Variants in OSBP2 observed in about 807,000 individuals in gnomAD.
OSBP2 encodes the protein oxysterol binding protein 2, also known as oxysterol-binding protein 2.
A neutral mutation model predicts 96.0 loss-of-function variants in OSBP2; 66 were observed. The ratio of observed to expected loss-of-function variants is 0.69; its 90% CI spans 0.56 to 0.84. OSBP2 has a LOEUF of 0.84. Ranked by LOEUF, OSBP2 falls within the 40% of genes least tolerant of loss-of-function variation. The probability of loss-of-function intolerance (pLI) is 0.00; values close to 1 mark genes in which losing one functional copy is unlikely to be tolerated. For missense variants in OSBP2, 1,038 were observed against 1,222.7 expected, an observed-to-expected ratio of 0.85 and a Z score of 2.25; for synonymous variants, 525 against 520.9, an observed-to-expected ratio of 1.01 and a Z score of -0.11.
intron 1 of OSBP2, among the ~76,000 whole-genome samples, chr22:30,706,073 G>A (rs996840829): frequency 6.6e-5 from 10 of 152,224 alleles, no homozygotes; most frequent in African/African-American, 2.2e-4. Context: ...AGGGGAAAGA[G>A]AGGGGAAATG....
At chr22:30,760,787 C>T (rs914386962) in intron 2 of OSBP2, among the ~76,000 whole-genome samples, 1 of 151,142 alleles carries the variant, frequency 6.6e-6, no homozygotes, top group Non-Finnish European at 1.5e-5. Context: ...CACTGCACCC[C>T]AGCCTGGGCA....
At chr22:30,877,309 CTG>C (rs533063132) in intron 3 of OSBP2, among the ~76,000 whole-genome samples, 71 of 152,240 alleles carry the variant, frequency 4.7e-4, no homozygotes, top group African/African-American at 1.1e-3. Flanking sequence ...TTTTGGGTAA[CTG>C]TGAATTCTCC....
At chr22:30,861,659 G>T (rs1042928536) in intron 2 of OSBP2, among the ~76,000 whole-genome samples, 2 of 152,156 alleles carry the variant, frequency 1.3e-5, no homozygotes, top group African/African-American at 4.8e-5. Flanking sequence ...TAGAGGAGTG[G>T]CGTCACTTGT....
At chr22:30,752,110 G>C (rs1227965236) in intron 2 of OSBP2, among the ~76,000 whole-genome samples, 2 of 152,066 alleles carry the variant, frequency 1.3e-5, no homozygotes, top group African/African-American at 4.8e-5. Context: ...GCAGAGTGCT[G>C]TTCAGCGGCA....
At chr22:30,810,947 C>G (rs1187825986) in intron 2 of OSBP2, among the ~76,000 whole-genome samples, 5 of 152,214 alleles carry the variant, frequency 3.3e-5, no homozygotes, top group Middle Eastern at 3.2e-3. Flanking sequence ...CTGGCACACT[C>G]TCTCCAATTG....
At position 30,767,617 on chromosome 22, in the gene OSBP2, G is replaced by A. The variant is rs562251156; in HGVS notation, c.853+26248G>A. On this transcript the variant is annotated intron_variant, in intron 2 of 13. Coordinates refer to ENST00000332585, the MANE Select transcript of OSBP2 (RefSeq NM_030758.4). ...CAAATTAACAGTGGGTTGGAATGAA[G>A]TTTATTTAAAGGAGCCAGTCCTCTC... 2.0e-5 allele frequency among the ~76,000 whole-genome samples: 3 copies of A among 151,250 alleles called. No homozygotes were observed. In the East Asian group the frequency reaches 5.8e-4, roughly 29 times the overall value.
chr22:30,778,649 C>A (rs1055465359), intron 2 of OSBP2, among the ~76,000 whole-genome samples: 2 of 151,986 alleles, frequency 1.3e-5, no homozygotes, highest in African/African-American at 4.8e-5. Flanking sequence ...TGTCCTCTAG[C>A]CCAGTTGTTT....
chr22:30,840,333 A>G (rs1204440749), intron 2 of OSBP2, among the ~76,000 whole-genome samples: 2 of 152,060 alleles, frequency 1.3e-5, no homozygotes, highest in East Asian at 3.9e-4. Flanking sequence ...GGAAAAAAAA[A>G]AAGAAAGCTG....
intron 2 of OSBP2, among the ~76,000 whole-genome samples, chr22:30,869,148 A>G (rs760347631): frequency 3.9e-5 from 6 of 152,132 alleles, no homozygotes; most frequent in Non-Finnish European, 7.4e-5. Flanking sequence ...CCATAACCCC[A>G]GATGCAGGCT....
intron 2 of OSBP2, among the ~76,000 whole-genome samples, chr22:30,782,006 C>T (rs149416677): frequency 2.0e-5 from 3 of 152,202 alleles, no homozygotes; most frequent in Non-Finnish European, 1.5e-5. Flanking sequence ...GTTAGCCAGG[C>T]GTGGTGGTGG....
intron 1 of OSBP2, among the ~76,000 whole-genome samples, chr22:30,709,092 C>T (rs1039751015): frequency 5.3e-5 from 8 of 151,766 alleles, no homozygotes; most frequent in African/African-American, 1.7e-4. Flanking sequence ...AGAGCGAAAA[C>T]TCCATCTCAA....
At chr22:30,716,047 T>G (rs1487375743) in intron 1 of OSBP2, among the ~76,000 whole-genome samples, 1 of 144,412 alleles carries the variant, frequency 6.9e-6, no homozygotes, top group East Asian at 2.1e-4. Context: ...TTTCTTTCTT[T>G]TTTTTTTTTT....
chr22:30,708,690 G>A (rs1408050621), intron 1 of OSBP2, among the ~76,000 whole-genome samples: 1 of 150,854 alleles, frequency 6.6e-6, no homozygotes, highest in Admixed American at 6.6e-5. Context: ...GTTTCACCAT[G>A]TTGGCCAGGC....
intron 1 of OSBP2, among the ~76,000 whole-genome samples, chr22:30,701,217 A>T (rs1009699333): frequency 3.3e-5 from 5 of 151,944 alleles, no homozygotes; most frequent in African/African-American, 1.2e-4. Flanking sequence ...TGCCTCTGGG[A>T]TAGATTGTGT....
intron 1 of OSBP2, among the ~76,000 whole-genome samples, chr22:30,706,037 A>G (rs1569089922): frequency 6.6e-6 from 1 of 152,178 alleles, no homozygotes; most frequent in Non-Finnish European, 1.5e-5. Context: ...GGTTCCCTAG[A>G]ACAAGATCAG....
intron 2 of OSBP2, among the ~76,000 whole-genome samples, chr22:30,787,530 G>A (rs796562343): frequency 1.3e-5 from 2 of 152,070 alleles, no homozygotes; most frequent in African/African-American, 4.8e-5. Flanking sequence ...AAAATTAGGC[G>A]GGCATGGTGG....
chr22:30,784,251 TATTTATTA>T (rs1400776945), intron 2 of OSBP2, among the ~76,000 whole-genome samples: 3 of 152,078 alleles, frequency 2.0e-5, no homozygotes, highest in East Asian at 1.9e-4. Flanking sequence ...TTTATTTATT[TATTTATTA>T]ATTTATTTAT....
At chr22:30,854,127 T>C (rs2039032165) in intron 2 of OSBP2, among the ~76,000 whole-genome samples, 1 of 152,060 alleles carries the variant, frequency 6.6e-6, no homozygotes, top group Admixed American at 6.6e-5. Context: ...GCAGTCTCCT[T>C]CCAAATAATT....
At chr22:30,813,889 G>A (rs909677797) in intron 2 of OSBP2, among the ~76,000 whole-genome samples, 46 of 151,346 alleles carry the variant, frequency 3.0e-4, no homozygotes, top group Non-Finnish European at 1.2e-4. Flanking sequence ...CGCAACCTCC[G>A]CCTCCCGGGT....
Sources: allele counts gnomAD v4.1 joint callset (sites outside exome capture counted in the v4.1 genomes callset), GRCh38; gene constraint gnomAD v4.1.1; transcripts MANE v1.5; gene names NCBI Gene and HGNC (gene_info 2026-07-23, HGNC 2026-07-21).